OPA1: variants seen among roughly 807,000 people sequenced by gnomAD.
OPA1 encodes the protein dynamin-like GTPase OPA1, mitochondrial.
In OPA1, 59 loss-of-function variants were observed where a neutral mutation model predicts 152.9. The observed-to-expected ratio is 0.39, with a 90% CI of 0.31 to 0.48. OPA1 has a LOEUF of 0.48. OPA1 is among the 20% of genes least tolerant of loss of function. OPA1 has a pLI of 0.96. For missense variants in OPA1, 1,008 were observed against 1,216.8 expected (o/e 0.83, Z 2.55); for synonymous variants, 400 against 389.9 (o/e 1.03, Z -0.31).
At chr3:193,659,422 A>G (rs1714693090) in intron 24 of OPA1, 60 bp from the exon 25 acceptor site, 1 of 1,319,580 alleles carries the variant, frequency 7.6e-7, no homozygotes, top group Non-Finnish European at 1.1e-6. Flanking sequence ...GACCATTATT[A>G]GTTATAATTT....
chr3:193,647,235 A>G (rs1734800144), intron 19 of OPA1, 55 bp downstream of exon 19: 7 of 1,084,572 alleles, frequency 6.5e-6, no homozygotes, highest in Admixed American at 3.7e-5. Context: ...TTAGCTGGCA[A>G]TCTTTGGCAT....
intron 29 of OPA1, among the ~76,000 whole-genome samples, chr3:193,690,448 C>T (rs1349297534): frequency 6.6e-6 from 1 of 151,712 alleles, no homozygotes; most frequent in Non-Finnish European, 1.5e-5. Context: ...ATCAATTGAG[C>T]CCAGGAGTCT....
chr3:193,595,606 T>C (rs568546628), intron 1 of OPA1, among the ~76,000 whole-genome samples: 3 of 152,372 alleles, frequency 2.0e-5, no homozygotes, highest in Non-Finnish European at 4.4e-5. Context: ...ATTATCTTGT[T>C]TTTCCCTTCA....
At chr3:193,605,571 C>T (rs544965432) in intron 1 of OPA1, among the ~76,000 whole-genome samples, 25 of 152,206 alleles carry the variant, frequency 1.6e-4, no homozygotes, top group Admixed American at 6.5e-4. Context: ...TAGGTGTTTT[C>T]GAAAGATCAG....
intron 29 of OPA1, among the ~76,000 whole-genome samples, chr3:193,671,696 G>A (rs11720340): frequency 0.5 from 76,297 of 152,012 alleles, 19,639 homozygotes; most frequent in African/African-American, 0.59. Flanking sequence ...TGTTTCAGGA[G>A]AAATATGATC....
In OPA1 at chr3:193,657,085, T is replaced by G. The variant is rs1235038299; in HGVS notation, c.2184T>G (p.Ala728=). ...KQLPNKAVEV[A]WETLQEEFSR... is the part of the protein sequence containing the mutation. ...TTTCTTTCAAATAATTATAGGTTGC[T>G]TGGGAGACCCTACAAGAAGAATTTT... Residue 728 remains alanine, a synonymous_variant, in exon 23 of 31, where the codon GCT becomes GCG. Transcript: ENST00000361510. The G allele has an allele frequency of 3.1e-6, 5 of 1,612,546 alleles. No homozygotes were observed. Among genetic ancestry groups the G allele is most frequent in the Non-Finnish European group, 4.2e-6 (5 of 1,179,482 alleles).
At position 193,617,909 on chromosome 3, in the gene OPA1, A is replaced by T. The variant is rs1729325225; in HGVS notation, c.610+72A>T. ...CTTCTAATAAACTAGTTGCAAATAA[A>T]ATTGCAGACCAAATTTATAATGCTG... On this transcript the variant is annotated intron_variant, in intron 5 of 30. Transcript: ENST00000361510. 4 of 1,063,466 alleles carry T rather than the reference A, an allele frequency of 3.8e-6. No homozygotes were observed. In the South Asian group the frequency reaches 5.1e-5, roughly 14 times the overall value. 65.9% of individuals were successfully genotyped at this position (1,063,466 alleles called of 1,614,324 possible). A position where few individuals can be genotyped will look rare whatever the true frequency, so the allele number is the denominator to read the frequency against.
chr3:193,608,910 A>G (rs2108832957), intron 1 of OPA1, among the ~76,000 whole-genome samples: 1 of 152,282 alleles, frequency 6.6e-6, no homozygotes, highest in Non-Finnish European at 1.5e-5. Context: ...ATATATATTT[A>G]GGATAGTTAG....
Position 193,695,160 on chromosome 3 carries a change from T to C in OPA1, c.*560T>C, listed in dbSNP as rs7643844. 0.88 allele frequency: 134,351 copies of C among 152,190 alleles called. 59,364 individuals are homozygous for C. The highest frequency in any genetic ancestry group is 0.97 in the East Asian group (5,012 of 5,184). 9.4% of individuals were successfully genotyped at this position (152,190 alleles called of 1,614,324 possible). Reference sequence around the variant, plus strand: ...AGAAAAATGGGTAACAGAAGAACCCTTAAAACAGGTTAATTTGGATTGTAA... The same window carrying C: ...AGAAAAATGGGTAACAGAAGAACCCCTAAAACAGGTTAATTTGGATTGTAA... On this transcript the variant is annotated 3_prime_UTR_variant, in exon 31 of 31. Coordinates refer to ENST00000361510, the MANE Select transcript of OPA1 (RefSeq NM_130837.3).
chr3:193,691,094 G>A (rs1721613880), intron 29 of OPA1, among the ~76,000 whole-genome samples: 1 of 152,104 alleles, frequency 6.6e-6, no homozygotes, highest in Non-Finnish European at 1.5e-5. Context: ...GGTGGCACGT[G>A]CCTGTGGTCT....
chr3:193,613,015 G>C (rs531040218), intron 1 of OPA1, among the ~76,000 whole-genome samples: 2 of 152,140 alleles, frequency 1.3e-5, no homozygotes, highest in Non-Finnish European at 2.9e-5. Flanking sequence ...TGTTCCAGGG[G>C]GTTGCCAGAG....
At chr3:193,596,496 T>A (rs1331779607) in intron 1 of OPA1, among the ~76,000 whole-genome samples, 1 of 151,530 alleles carries the variant, frequency 6.6e-6, no homozygotes, top group Middle Eastern at 3.2e-3. Context: ...CACCTTGGCC[T>A]CCCAAAATGC....
intron 8 of OPA1, among the ~76,000 whole-genome samples, chr3:193,635,059 T>C (rs536706206): frequency 3.3e-5 from 5 of 152,344 alleles, no homozygotes; most frequent in African/African-American, 9.6e-5. Context: ...GGCCCTGTAA[T>C]GTGAAGACTT....
intron 11 of OPA1, among the ~76,000 whole-genome samples, chr3:193,641,827 TTTC>T (rs1733824732): frequency 6.6e-6 from 1 of 152,192 alleles, no homozygotes; most frequent in Non-Finnish European, 1.5e-5. Context: ...TGCTATAACA[TTTC>T]TTGGCTGGGT....
intron 1 of OPA1, among the ~76,000 whole-genome samples, chr3:193,613,331 C>T (rs1402475035): frequency 6.7e-6 from 1 of 150,362 alleles, no homozygotes; most frequent in Non-Finnish European, 1.5e-5. Context: ...CCTTCTCAGG[C>T]CATATTTAGT....
chr3:193,613,386 C>T (rs545618674), intron 1 of OPA1, among the ~76,000 whole-genome samples: 1 of 152,178 alleles, frequency 6.6e-6, no homozygotes, highest in East Asian at 1.9e-4. Context: ...AATAAGGATA[C>T]TTAACCTTAC....
chr3:193,598,731 A>G (rs531853045), intron 1 of OPA1, among the ~76,000 whole-genome samples: 5 of 152,360 alleles, frequency 3.3e-5, no homozygotes, highest in Admixed American at 2.0e-4. Flanking sequence ...TTGATTATTG[A>G]TGGCGACTCT....
At chr3:193,623,966 T>A (rs553676644) in intron 6 of OPA1, among the ~76,000 whole-genome samples, 1 of 152,260 alleles carries the variant, frequency 6.6e-6, no homozygotes, top group South Asian at 2.1e-4. Flanking sequence ...TTTCAGGAGG[T>A]CAATTTCAGT....
chr3:193,690,281 A>G (rs190977005), intron 29 of OPA1, among the ~76,000 whole-genome samples: 2 of 150,006 alleles, frequency 1.3e-5, no homozygotes, highest in Non-Finnish European at 3.0e-5. Flanking sequence ...CTCAATACAT[A>G]GCTTGATTAA....
Sources: gnomAD v4.1 joint callset for allele counts (sites outside exome capture counted in the v4.1 genomes callset) on GRCh38, gnomAD v4.1.1 for gene constraint, MANE v1.5 for transcripts, NCBI Gene and HGNC (gene_info 2026-07-23, HGNC 2026-07-21) for gene names.